Variants in GPC5 observed in about 807,000 individuals in gnomAD.
GPC5 encodes the protein glypican-5.
Under a neutral mutation model 53.9 loss-of-function variants are expected in GPC5, and 47 were observed. The ratio of observed to expected loss-of-function variants is 0.87; its 90% CI spans 0.69 to 1.11. GPC5 has a LOEUF of 1.11. Among genes scored for constraint, GPC5 ranks in the 50% most tolerant of loss-of-function variants. GPC5 has a pLI of 0.00. For missense variants in GPC5, 748 were observed against 713.1 expected, an observed-to-expected ratio of 1.05 and a Z score of -0.56; for synonymous variants, 286 against 263.3, an observed-to-expected ratio of 1.09 and a Z score of -0.84.
chr13:91,911,269 T>C (rs532305585), intron 6 of GPC5, among the ~76,000 whole-genome samples: 1 of 151,996 alleles, frequency 6.6e-6, no homozygotes, highest in Non-Finnish European at 1.5e-5. Context: ...GCTAGCTGGG[T>C]GCAGTGGCTC....
intron 2 of GPC5, among the ~76,000 whole-genome samples, chr13:91,579,692 G>A (rs1161174894): frequency 2.6e-4 from 35 of 134,326 alleles, no homozygotes; most frequent in African/African-American, 5.8e-4. Context: ...GAAGAGGCGC[G>A]ATCTCGGCTT....
At chr13:91,721,735 T>G (rs1046134286) in intron 3 of GPC5, among the ~76,000 whole-genome samples, 1 of 152,196 alleles carries the variant, frequency 6.6e-6, no homozygotes, top group African/African-American at 2.4e-5. Flanking sequence ...ATATAAAGTT[T>G]TTCCCTGTGA....
At chr13:91,954,501 A>G (rs1406880334) in intron 6 of GPC5, among the ~76,000 whole-genome samples, 3 of 152,178 alleles carry the variant, frequency 2.0e-5, no homozygotes, top group African/African-American at 7.2e-5. Context: ...ATGTATATGC[A>G]TAAGCAACTC....
chr13:91,753,003 A>T (rs1353437156), intron 4 of GPC5, among the ~76,000 whole-genome samples: 1 of 152,196 alleles, frequency 6.6e-6, no homozygotes, highest in Non-Finnish European at 1.5e-5. Flanking sequence ...CTCAAACTGA[A>T]CATGTTGAGA....
At chr13:92,413,751 A>G (rs1168056231) in intron 7 of GPC5, among the ~76,000 whole-genome samples, 2 of 152,184 alleles carry the variant, frequency 1.3e-5, no homozygotes, top group African/African-American at 4.8e-5. Flanking sequence ...GAGGTAAAGG[A>G]TATAAGGTAC....
At chr13:92,399,800 A>G (rs1875474685) in intron 7 of GPC5, among the ~76,000 whole-genome samples, 1 of 152,164 alleles carries the variant, frequency 6.6e-6, no homozygotes, top group Non-Finnish European at 1.5e-5. Context: ...ACTTACTGTT[A>G]TTTAACTTTA....
intron 6 of GPC5, among the ~76,000 whole-genome samples, chr13:92,112,574 G>T (rs938130687): frequency 1.3e-5 from 2 of 152,106 alleles, no homozygotes; most frequent in Non-Finnish European, 2.9e-5. Flanking sequence ...AAGAAATTCA[G>T]TCAAGCTACA....
At chr13:92,016,960 A>T (rs1344160418) in intron 6 of GPC5, among the ~76,000 whole-genome samples, 2 of 152,084 alleles carry the variant, frequency 1.3e-5, no homozygotes. Context: ...CCTCTGGACA[A>T]TGGTGAAAGT....
chr13:92,061,104 TA>T (rs1341115043), intron 6 of GPC5, among the ~76,000 whole-genome samples: 8 of 151,894 alleles, frequency 5.3e-5, no homozygotes, highest in Non-Finnish European at 1.0e-4. Flanking sequence ...TGTTAGATAA[TA>T]CATAGCACTT....
At chr13:92,549,685 T>C (rs1033675944) in intron 7 of GPC5, among the ~76,000 whole-genome samples, 9 of 152,058 alleles carry the variant, frequency 5.9e-5, no homozygotes, top group African/African-American at 1.9e-4. Context: ...CTAGTACTTA[T>C]TGCCCATTTA....
intron 6 of GPC5, among the ~76,000 whole-genome samples, chr13:92,019,924 T>A (rs1016761906): frequency 2.6e-5 from 4 of 152,134 alleles, no homozygotes; most frequent in African/African-American, 9.7e-5. Context: ...CAACAAATTA[T>A]TATCTTATAA....
chr13:92,399,251 T>C (rs1009113830), intron 7 of GPC5, among the ~76,000 whole-genome samples: 6 of 152,190 alleles, frequency 3.9e-5, no homozygotes, highest in African/African-American at 1.4e-4. Context: ...AAAACTCACA[T>C]AATTTAGATA....
chr13:91,941,381 C>T (rs542108776), intron 6 of GPC5, among the ~76,000 whole-genome samples: 13 of 151,934 alleles, frequency 8.6e-5, no homozygotes, highest in African/African-American at 2.9e-4. Context: ...GTATTCAATC[C>T]AGTCCTTCAA....
chr13:91,713,999 T>G (rs1396280562), intron 3 of GPC5, among the ~76,000 whole-genome samples: 3 of 152,150 alleles, frequency 2.0e-5, no homozygotes, highest in Non-Finnish European at 4.4e-5. Context: ...GAATAACCAT[T>G]GAATCTCAGA....
rs138399717 is a variant in GPC5, at chr13:92,007,296, A to C, written c.1401+99239A>C. ...CTCCCTGTCATCATTTGCCTCTACT[A>C]ATCATAACAGTAGATATATTGGCTG... On this transcript the variant is annotated intron_variant, in intron 6 of 7. Transcript: ENST00000377067. 4.8e-3 allele frequency among the ~76,000 whole-genome samples: 737 copies of C among 152,320 alleles called. 14 individuals are homozygous for C. The highest frequency in any genetic ancestry group is 0.017 in the African/African-American group (711 of 41,582).
intron 7 of GPC5, among the ~76,000 whole-genome samples, chr13:92,417,215 A>G (rs572122271): frequency 6.6e-6 from 1 of 152,346 alleles, no homozygotes; most frequent in East Asian, 1.9e-4. Context: ...AATTTTTTCC[A>G]AAAAATCATA....
chr13:92,227,082 C>T (rs1364047013), intron 7 of GPC5, among the ~76,000 whole-genome samples: 9 of 152,136 alleles, frequency 5.9e-5, no homozygotes, highest in Non-Finnish European at 1.3e-4. Context: ...AAATACTTTC[C>T]TTGTCTTCCT....
At chr13:91,860,109 A>C (rs1180274995) in intron 5 of GPC5, among the ~76,000 whole-genome samples, 1 of 152,094 alleles carries the variant, frequency 6.6e-6, no homozygotes, top group Non-Finnish European at 1.5e-5. Context: ...GAAACTATAT[A>C]ATATATTATT....
At chr13:92,485,495 G>A (rs949838293) in intron 7 of GPC5, among the ~76,000 whole-genome samples, 3 of 150,800 alleles carry the variant, frequency 2.0e-5, no homozygotes, top group Non-Finnish European at 3.0e-5. Context: ...ATCAAGAGTA[G>A]AAAAAAAAAT....
Sources: allele counts gnomAD v4.1 joint callset (sites outside exome capture counted in the v4.1 genomes callset), GRCh38; gene constraint gnomAD v4.1.1; transcripts MANE v1.5; gene names NCBI Gene and HGNC (gene_info 2026-07-23, HGNC 2026-07-21).